The following MAN1C1 variants were observed in gnomAD, a reference collection of about 807,000 sequenced individuals.
MAN1C1 encodes the protein mannosyl-oligosaccharide 1,2-alpha-mannosidase IC.
Under a neutral mutation model 71.5 loss-of-function variants are expected in MAN1C1, and 49 were observed. The observed-to-expected ratio is 0.69, with a 90% CI of 0.54 to 0.87. The LOEUF is 0.87. MAN1C1 is among the 40% of genes least tolerant of loss of function. MAN1C1 has a pLI of 0.00. For synonymous variants in MAN1C1, 352 were observed against 343.7 expected (o/e 1.02, Z -0.27); for missense variants, 743 against 835.0 (o/e 0.89, Z 1.36).
intron 3 of MAN1C1, among the ~76,000 whole-genome samples, chr1:25,747,485 A>C (rs1303700600): frequency 6.6e-6 from 1 of 152,218 alleles, no homozygotes; most frequent in Non-Finnish European, 1.5e-5. Context: ...AGACTTGGGG[A>C]GTAAGCAGTG....
chr1:25,675,545 G>A (rs971807713), intron 1 of MAN1C1, among the ~76,000 whole-genome samples: 2 of 138,712 alleles, frequency 1.4e-5, no homozygotes, highest in Non-Finnish European at 3.0e-5. Flanking sequence ...TGCTATAAAT[G>A]TGTATGCAAG....
chr1:25,756,719 T>G (rs1473350995), intron 5 of MAN1C1, among the ~76,000 whole-genome samples: 1 of 152,102 alleles, frequency 6.6e-6, no homozygotes, highest in Non-Finnish European at 1.5e-5. Flanking sequence ...GAATCCTGTC[T>G]CCGTCGTCTT....
rs1001945010 is a variant in MAN1C1, at chr1:25,779,784, C to G, written c.1478-1156C>G. Among the ~76,000 whole-genome samples, 1 of 152,192 alleles carries G rather than the reference C, an allele frequency of 6.6e-6. No homozygotes were observed. On this transcript the variant is annotated intron_variant, in intron 9 of 11. Transcript: ENST00000374332. This position sits in a 1 kb window ranked among gnomAD's most constrained non-coding sequence, Gnocchi z 4.6. ...TAGCTAATTCCTCTTCCCTGAAGCC[C>G]TCCATGGAAGAGCAGGAAGTCCTGC... is the stretch of plus-strand genomic sequence containing the variant.
intron 6 of MAN1C1, chr1:25,761,731 T>G (rs807272): frequency 0.22 from 32,673 of 150,170 alleles, 4,016 homozygotes; most frequent in African/African-American, 0.33. Context: ...CAAGCGATTC[T>G]CCTGTCTCAG....
chr1:25,690,963 A>C (rs1032732872), intron 2 of MAN1C1, among the ~76,000 whole-genome samples: 1 of 152,184 alleles, frequency 6.6e-6, no homozygotes, highest in African/African-American at 2.4e-5. Flanking sequence ...CGCCTGTAAA[A>C]GGGTACAGAT....
rs1572096190 is a variant in MAN1C1, at chr1:25,617,716, C to A, written c.-82C>A. ...CCAGGGACCCCCATCCCGGGCGGCG[C>A]TCCGGACGCCCTCCCCTCACCGCGC... On this transcript the variant is annotated 5_prime_UTR_variant, in exon 1 of 12. Coordinates refer to ENST00000374332, the MANE Select transcript of MAN1C1 (RefSeq NM_020379.4). This position sits in a 1 kb window ranked among gnomAD's most constrained non-coding sequence, Gnocchi z 5.1. 7.2e-7 allele frequency: 1 copy of A among 1,391,730 alleles called. No homozygotes were observed. The highest frequency in any genetic ancestry group is 2.9e-5 in the East Asian group (1 of 34,872). The allele number at this position is 1,391,730 out of a possible 1,614,324, so 86.2% of individuals were successfully genotyped here.
rs991502910 is a variant in MAN1C1 at position 25,673,076 on chromosome 1, A to G, written c.541-13364A>G. ...GGGAGGGGGAAAGGAGGTGAGTCAG[A>G]GATGTCATCGCCAGAAATCCTGTTG... is the stretch of plus-strand genomic sequence containing the variant. On this transcript the variant is annotated intron_variant, in intron 1 of 11. Coordinates refer to ENST00000374332, the MANE Select transcript of MAN1C1 (RefSeq NM_020379.4). Among the ~76,000 whole-genome samples the G allele has an allele frequency of 3.3e-5, 5 of 152,140 alleles. No homozygotes were observed. The South Asian group carries it at 1.0e-3, about 32-fold the overall frequency.
intron 1 of MAN1C1, chr1:25,644,518 A>ATTTTTTTTTT (rs1203077345): frequency 1.2e-4 from 5 of 40,292 alleles, no homozygotes; most frequent in African/African-American, 5.7e-4. Flanking sequence ...ATATATATAT[A>ATTTTTTTTTT]TTTTTTTTTT....
chr1:25,620,603 G>C (rs1354123135), intron 1 of MAN1C1, among the ~76,000 whole-genome samples: 2 of 152,150 alleles, frequency 1.3e-5, no homozygotes, highest in Non-Finnish European at 2.9e-5. Flanking sequence ...AAAGGTGCCT[G>C]TTTTCACAAA....
At chr1:25,758,755 C>T (rs756327567) in intron 6 of MAN1C1, 46 bp downstream of exon 6, 11 of 1,530,544 alleles carry the variant, frequency 7.2e-6, no homozygotes, top group East Asian at 2.3e-5. Flanking sequence ...GAGGGATGAG[C>T]GTGCGGCTGC....
intron 9 of MAN1C1, among the ~76,000 whole-genome samples, chr1:25,780,245 G>C (rs1024421434): frequency 6.6e-6 from 1 of 152,182 alleles, no homozygotes; most frequent in Non-Finnish European, 1.5e-5. Context: ...TACAGAGGTG[G>C]TTATAATTAT....
chr1:25,664,645 C>T (rs1279867622), intron 1 of MAN1C1, among the ~76,000 whole-genome samples: 4 of 152,104 alleles, frequency 2.6e-5, no homozygotes, highest in Admixed American at 1.3e-4. Context: ...ACAGGAATGA[C>T]GGAAGATTTC....
In MAN1C1 at chr1:25,617,705, C is replaced by G; in HGVS notation, c.-93C>G. ...GGCAACCCTGCCCAGGGACCCCCATCCCGGGCGGCGCTCCGGACGCCCTCC... is the reference window on the plus strand; with the variant it reads ...GGCAACCCTGCCCAGGGACCCCCATGCCGGGCGGCGCTCCGGACGCCCTCC... On this transcript the variant is annotated 5_prime_UTR_variant, in exon 1 of 12. In the 5' UTR this introduces an upstream ATG that the reference lacks. Transcript: ENST00000374332. This position sits in a 1 kb window ranked among gnomAD's most constrained non-coding sequence, Gnocchi z 5.1. 7.8e-7 allele frequency: 1 copy of G among 1,279,904 alleles called. No individual in the cohort carries two copies. The highest frequency in any genetic ancestry group is 1.0e-6 in the Non-Finnish European group (1 of 952,534). The allele number at this position is 1,279,904 out of a possible 1,614,324, so 79.3% of individuals were successfully genotyped here.
chr1:25,662,982 C>G (rs1294196763), intron 1 of MAN1C1, among the ~76,000 whole-genome samples: 1 of 151,342 alleles, frequency 6.6e-6, no homozygotes, highest in African/African-American at 2.4e-5. Flanking sequence ...TTGCTTGAAC[C>G]TGGGAGGCTG....
intron 1 of MAN1C1, among the ~76,000 whole-genome samples, chr1:25,640,080 A>G (rs867815387): frequency 6.6e-6 from 1 of 152,382 alleles, no homozygotes. Context: ...AATCGTTCAC[A>G]TAAGCCAAAT....
chr1:25,617,693 AG>A lies in MAN1C1; in HGVS notation c.-102del. On this transcript the variant is annotated 5_prime_UTR_variant, in exon 1 of 12. Coordinates refer to ENST00000374332, the MANE Select transcript of MAN1C1 (RefSeq NM_020379.4). The surrounding 1 kb of genome is among the most constrained non-coding windows in gnomAD (Gnocchi z 5.1). Reference sequence around the variant, plus strand: ...ACTCTCAGGGTTGGCAACCCTGCCCAGGGACCCCCATCCCGGGCGGCGCTCC... The same window carrying A: ...ACTCTCAGGGTTGGCAACCCTGCCCAGGACCCCCATCCCGGGCGGCGCTCC... 1 of 1,092,956 alleles carries A rather than the reference AG, an allele frequency of 9.1e-7. No individual in the cohort carries two copies. The highest frequency in any genetic ancestry group is 1.3e-6 in the Non-Finnish European group (1 of 787,626). The allele number at this position is 1,092,956 out of a possible 1,614,324, so 67.7% of individuals were successfully genotyped here.
intron 2 of MAN1C1, among the ~76,000 whole-genome samples, chr1:25,701,243 C>T (rs561082363): frequency 2.6e-5 from 4 of 152,208 alleles, no homozygotes; most frequent in Non-Finnish European, 5.9e-5. Flanking sequence ...TGCTCAGGCA[C>T]CATGGGAAGG....
At chr1:25,705,819 A>T (rs1224101042) in intron 2 of MAN1C1, among the ~76,000 whole-genome samples, 1 of 152,192 alleles carries the variant, frequency 6.6e-6, no homozygotes, top group Non-Finnish European at 1.5e-5. Flanking sequence ...GGCACATGCC[A>T]GTAGTCCTAG....
intron 8 of MAN1C1, among the ~76,000 whole-genome samples, chr1:25,774,206 T>C (rs1334314430): frequency 6.6e-6 from 1 of 152,176 alleles, no homozygotes; most frequent in Non-Finnish European, 1.5e-5. Context: ...TAGACCAGTG[T>C]CCAGCTGGGA....
Sources: allele counts gnomAD v4.1 joint callset (sites outside exome capture counted in the v4.1 genomes callset), GRCh38; gene constraint gnomAD v4.1.1; non-coding constraint Gnocchi (gnomAD v3.1); transcripts MANE v1.5; gene names NCBI Gene and HGNC (gene_info 2026-07-23, HGNC 2026-07-21).